SYN3: variants seen among roughly 807,000 people sequenced by gnomAD.
SYN3 encodes the protein synapsin-3.
In SYN3, 35 loss-of-function variants were observed where a neutral mutation model predicts 65.8. The ratio of observed to expected loss-of-function variants is 0.53; its 90% CI spans 0.41 to 0.70. SYN3 has a LOEUF of 0.70. SYN3 is among the 30% of genes least tolerant of loss of function. SYN3 has a pLI of 0.00. For synonymous variants in SYN3, 270 were observed against 292.9 expected, an observed-to-expected ratio of 0.92 and a Z score of 0.80; for missense variants, 680 against 749.0, an observed-to-expected ratio of 0.91 and a Z score of 1.08.
At chr22:32,861,000 T>C (rs1336187226) in intron 6 of SYN3, 1 of 151,720 alleles carries the variant, frequency 6.6e-6, no homozygotes, top group African/African-American at 2.4e-5. Context: ...AAAAGTGAGA[T>C]GCTGAGAGTA....
chr22:32,565,418 T>C (rs904966381), intron 7 of SYN3, among the ~76,000 whole-genome samples: 2 of 152,006 alleles, frequency 1.3e-5, no homozygotes, highest in African/African-American at 4.8e-5. Flanking sequence ...TAATAGTGTA[T>C]GTATGTATGT....
At chr22:32,584,900 G>A (rs1359142587) in intron 7 of SYN3, among the ~76,000 whole-genome samples, 1 of 152,144 alleles carries the variant, frequency 6.6e-6, no homozygotes, top group Non-Finnish European at 1.5e-5. Flanking sequence ...CTTGGGTGGG[G>A]CCTTGTGAAA....
chr22:32,782,274 G>T (rs1358234207), intron 6 of SYN3, among the ~76,000 whole-genome samples: 1 of 151,836 alleles, frequency 6.6e-6, no homozygotes, highest in East Asian at 1.9e-4. Context: ...TACCATGTTG[G>T]TCAGGCTGGT....
At chr22:32,701,007 G>A (rs1474723868) in intron 6 of SYN3, among the ~76,000 whole-genome samples, 4 of 152,070 alleles carry the variant, frequency 2.6e-5, no homozygotes, top group African/African-American at 9.7e-5. Context: ...CAATCCCTAA[G>A]TCCTATAAAT....
At chr22:32,642,285 A>G (rs1270463205) in intron 6 of SYN3, among the ~76,000 whole-genome samples, 1 of 151,734 alleles carries the variant, frequency 6.6e-6, no homozygotes, top group South Asian at 2.1e-4. Context: ...GCAGGACTCC[A>G]TTTAAAAAAA....
chr22:32,985,961 C>T (rs768661774), intron 2 of SYN3, among the ~76,000 whole-genome samples: 13 of 152,074 alleles, frequency 8.5e-5, no homozygotes, highest in East Asian at 1.9e-4. Flanking sequence ...TCCTACAGCA[C>T]GCTGCACTTA....
chr22:32,942,336 G>C (rs749057600), intron 3 of SYN3, among the ~76,000 whole-genome samples: 16 of 152,216 alleles, frequency 1.1e-4, no homozygotes, highest in Non-Finnish European at 2.1e-4. Context: ...AGGCAAACAA[G>C]GTCTGGAGTG....
intron 6 of SYN3, among the ~76,000 whole-genome samples, chr22:32,828,676 C>T (rs1317926771): frequency 1.3e-5 from 2 of 152,178 alleles, no homozygotes; most frequent in East Asian, 1.9e-4. Flanking sequence ...GCAGTTAGAA[C>T]CAAGGTTTCC....
Position 32,647,536 on chromosome 22 carries a change from TC to T in SYN3, c.712-50801del, listed in dbSNP as rs556438960. 2.7e-3 allele frequency among the ~76,000 whole-genome samples: 406 copies of T among 151,974 alleles called. 1 individual carries two copies. The highest frequency in any genetic ancestry group is 9.1e-3 in the African/African-American group (376 of 41,444). On this transcript the variant is annotated intron_variant, in intron 6 of 13. Coordinates refer to ENST00000358763, the MANE Select transcript of SYN3 (RefSeq NM_003490.4). ...ATCATGGCTCACTGCAGCCTTGGCCTCCTGAGTTCAAGTGACCCTCCTGCCT... is the reference window on the plus strand; with the variant it reads ...ATCATGGCTCACTGCAGCCTTGGCCTCTGAGTTCAAGTGACCCTCCTGCCT...
chr22:32,881,060 C>T (rs541436107), intron 4 of SYN3, among the ~76,000 whole-genome samples: 2 of 152,312 alleles, frequency 1.3e-5, no homozygotes, highest in Admixed American at 6.5e-5. Flanking sequence ...TGAGCTCCAG[C>T]GCTGTCAGCA....
chr22:32,692,550 C>A (rs1227741117), intron 6 of SYN3, among the ~76,000 whole-genome samples: 1 of 152,238 alleles, frequency 6.6e-6, no homozygotes, highest in Non-Finnish European at 1.5e-5. Context: ...GCTCCAACCA[C>A]CCTGGAGGCC....
chr22:32,624,026 C>T (rs919569988), intron 6 of SYN3, among the ~76,000 whole-genome samples: 2 of 152,230 alleles, frequency 1.3e-5, no homozygotes, highest in Non-Finnish European at 2.9e-5. Flanking sequence ...CACAAGCATG[C>T]CAGCCCTCTC....
Position 32,845,275 on chromosome 22 carries a change from C to T in SYN3, c.711+19640G>A, listed in dbSNP as rs979806462. On this transcript the variant is annotated intron_variant, in intron 6 of 13. Transcript: ENST00000358763. ...ACGGTGATGCAATCTCGGCTCACTG[C>T]AACCTCCACCTCCTGGGTTCAAGTG... Among the ~76,000 whole-genome samples, 14 of 152,136 alleles carry T rather than the reference C, an allele frequency of 9.2e-5. No homozygotes were observed. The South Asian group carries it at 2.7e-3, about 29-fold the overall frequency.
At chr22:32,815,144 G>C (rs778024907) in intron 6 of SYN3, among the ~76,000 whole-genome samples, 7 of 152,236 alleles carry the variant, frequency 4.6e-5, no homozygotes, top group Non-Finnish European at 7.3e-5. Context: ...CAAAGGCAAG[G>C]CATCTTCCCC....
intron 6 of SYN3, among the ~76,000 whole-genome samples, chr22:32,760,442 T>C (rs2045447149): frequency 1.3e-5 from 2 of 152,194 alleles, no homozygotes; most frequent in East Asian, 3.9e-4. Context: ...ATCCCACACA[T>C]GAGGAAACGG....
At chr22:32,825,279 G>A (rs753495199) in intron 6 of SYN3, among the ~76,000 whole-genome samples, 22 of 152,126 alleles carry the variant, frequency 1.4e-4, no homozygotes, top group Non-Finnish European at 2.9e-4. Context: ...CTGCTGACTT[G>A]GATTCAGTTA....
chr22:32,816,243 C>T (rs902679356), intron 6 of SYN3, among the ~76,000 whole-genome samples: 2 of 152,152 alleles, frequency 1.3e-5, no homozygotes, highest in Non-Finnish European at 2.9e-5. Context: ...GATTAACACT[C>T]TTTAAATAGA....
intron 6 of SYN3, among the ~76,000 whole-genome samples, chr22:32,618,199 A>G (rs2059546904): frequency 6.6e-6 from 1 of 152,172 alleles, no homozygotes; most frequent in African/African-American, 2.4e-5. Flanking sequence ...CCTGACACAG[A>G]GTCGTAGAGT....
intron 4 of SYN3, among the ~76,000 whole-genome samples, chr22:32,872,086 C>T (rs1317907384): frequency 6.6e-6 from 1 of 152,078 alleles, no homozygotes; most frequent in Non-Finnish European, 1.5e-5. Flanking sequence ...CAAAATTTGC[C>T]CCAACCCTCG....
Sources: gnomAD v4.1 joint callset for allele counts (sites outside exome capture counted in the v4.1 genomes callset) on GRCh38, gnomAD v4.1.1 for gene constraint, MANE v1.5 for transcripts, NCBI Gene and HGNC (gene_info 2026-07-23, HGNC 2026-07-21) for gene names.